MGA: variants seen among roughly 807,000 people sequenced by gnomAD.
MGA encodes MAX dimerization protein MGA.
Under a neutral mutation model 261.1 loss-of-function variants are expected in MGA, and 40 were observed. The ratio of observed to expected loss-of-function variants is 0.15; its 90% CI spans 0.12 to 0.20. The LOEUF (loss-of-function observed/expected upper bound fraction) is 0.20, where lower values mean the gene tolerates loss of function less well. Ranked by LOEUF, MGA falls within the 10% of genes least tolerant of loss-of-function variation. The pLI is 1.00. For synonymous variants in MGA, 1,302 were observed against 1,290.6 expected (o/e 1.01, Z -0.19); for missense variants, 3,397 against 3,630.5 (o/e 0.94, Z 1.65).
intron 2 of MGA, among the ~76,000 whole-genome samples, chr15:41,678,311 G>C (rs1019271440): frequency 4.6e-5 from 7 of 151,396 alleles, no homozygotes; most frequent in African/African-American, 1.7e-4. Context: ...GGCTGGTGTC[G>C]AACTCCTGAC....
chr15:41,671,620 C>T (rs550293570), intron 2 of MGA, among the ~76,000 whole-genome samples: 6 of 152,230 alleles, frequency 3.9e-5, no homozygotes, highest in African/African-American at 9.6e-5. Flanking sequence ...TGAGCCACCG[C>T]GCCCGGCCTG....
chr15:41,680,069 C>G (rs2058588574), intron 2 of MGA, among the ~76,000 whole-genome samples: 1 of 152,142 alleles, frequency 6.6e-6, no homozygotes, highest in Non-Finnish European at 1.5e-5. Context: ...ATCAGTTTGT[C>G]TACACGTAAG....
At chr15:41,648,928 A>C (rs777626254) in intron 1 of MGA, among the ~76,000 whole-genome samples, 1 of 152,194 alleles carries the variant, frequency 6.6e-6, no homozygotes, top group Admixed American at 6.5e-5. Flanking sequence ...GAGAGAAAAA[A>C]GAAAAGTCTG....
In MGA at chr15:41,719,916, A is replaced by G. The variant is rs140933852; in HGVS notation, c.3430+6420A>G. 4.6e-5 allele frequency among the ~76,000 whole-genome samples: 7 copies of G among 152,300 alleles called. No individual in the cohort carries two copies. In the East Asian group the frequency reaches 1.2e-3, roughly 25 times the overall value. Reference sequence around the variant, plus strand: ...ATGAGATTATGATATTAATGAATTAATGAATATGGTTAAATTGATAAAAAT... The same window carrying G: ...ATGAGATTATGATATTAATGAATTAGTGAATATGGTTAAATTGATAAAAAT... On this transcript the variant is annotated intron_variant, in intron 9 of 23. Transcript: ENST00000219905.
chr15:41,665,426 A>G (rs1267209480), intron 1 of MGA, among the ~76,000 whole-genome samples: 1 of 151,084 alleles, frequency 6.6e-6, no homozygotes, highest in African/African-American at 2.4e-5. Context: ...TCACTCTGTC[A>G]TCTAGACTGG....
At chr15:41,665,078 G>A (rs1194530259) in intron 1 of MGA, among the ~76,000 whole-genome samples, 5 of 152,074 alleles carry the variant, frequency 3.3e-5, no homozygotes, top group Non-Finnish European at 5.9e-5. Context: ...TTTTGAAGTC[G>A]TGATTTTAAA....
intron 1 of MGA, among the ~76,000 whole-genome samples, chr15:41,651,956 C>G (rs141985337): frequency 6.2e-5 from 3 of 48,232 alleles, no homozygotes; most frequent in African/African-American, 1.7e-4. Flanking sequence ...CTCTTCCCCC[C>G]ACCTTTTTTT....
chr15:41,652,220 G>A (rs1447085866), intron 1 of MGA, among the ~76,000 whole-genome samples: 2 of 149,860 alleles, frequency 1.3e-5, no homozygotes, highest in African/African-American at 4.9e-5. Flanking sequence ...TGATCCACCC[G>A]CCTCAGCCTC....
rs141412132 is a variant in MGA at position 41,649,154 on chromosome 15, C to T, written c.-67-19674C>T. ...ATCCTAGCACTTTGGGAGGCTGAGGCGGGTGGATCATGAGGTCAGGAGTTC... is the reference window on the plus strand; with the variant it reads ...ATCCTAGCACTTTGGGAGGCTGAGGTGGGTGGATCATGAGGTCAGGAGTTC... On this transcript the variant is annotated intron_variant, in intron 1 of 8. Transcript: ENST00000566718. Among the ~76,000 whole-genome samples, 83 of 152,022 alleles carry T rather than the reference C, an allele frequency of 5.5e-4. No individual in the cohort carries two copies. The East Asian group carries it at 0.014, about 25-fold the overall frequency.
chr15:41,703,374 C>A (rs1438483289), intron 5 of MGA, among the ~76,000 whole-genome samples: 1 of 138,538 alleles, frequency 7.2e-6, no homozygotes, highest in African/African-American at 2.6e-5. Context: ...AGTTACCCCC[C>A]CCCCCACTCC....
intron 13 of MGA, among the ~76,000 whole-genome samples, chr15:41,739,705 T>A (rs988933832): frequency 6.6e-6 from 1 of 152,212 alleles, no homozygotes; most frequent in Non-Finnish European, 1.5e-5. Flanking sequence ...GAGATGAGAT[T>A]AGTTCAGAAT....
At chr15:41,710,307 A>G (rs1429829987) in intron 7 of MGA, among the ~76,000 whole-genome samples, 1 of 152,248 alleles carries the variant, frequency 6.6e-6, no homozygotes, top group African/African-American at 2.4e-5. Context: ...TAATGTTTTT[A>G]GTGCCCAAGA....
chr15:41,659,845 C>T (rs1319254301), upstream of MGA, among the ~76,000 whole-genome samples: 1 of 152,256 alleles, frequency 6.6e-6, no homozygotes, highest in Non-Finnish European at 1.5e-5. Context: ...GGTCTCCTCC[C>T]CATTTTCCTA....
At position 41,766,666 on chromosome 15, in the gene MGA, G is replaced by C; in HGVS notation, c.8584G>C (p.Ala2862Pro). Residue 2862 changes from alanine (A) to proline (P), a missense_variant, in exon 24 of 24, where the codon GCT becomes CCT. Coordinates refer to ENST00000219905, the MANE Select transcript of MGA (RefSeq NM_001164273.2). ...AGAGTTCCCAGGGGATGCTCGGCGG[G>C]CTTTTATTAGTAAGGTTCCTCCTGG... 6.2e-7 allele frequency: 1 copy of C among 1,613,982 alleles called. No homozygotes were observed. Among genetic ancestry groups the C allele is most frequent in the Non-Finnish European group, 8.5e-7 (1 of 1,179,896 alleles).
chr15:41,723,742 C>T (rs1296661295), intron 9 of MGA, among the ~76,000 whole-genome samples: 1 of 152,110 alleles, frequency 6.6e-6, no homozygotes, highest in Non-Finnish European at 1.5e-5. Flanking sequence ...TGTTGTTGTC[C>T]TTCCAATTTA....
Position 41,669,555 on chromosome 15 carries a change from C to T in MGA, c.661C>T (p.Pro221Ser). 6.2e-7 allele frequency: 1 copy of T among 1,613,922 alleles called. No homozygotes were observed. Among genetic ancestry groups the T allele is most frequent in the Non-Finnish European group, 8.5e-7 (1 of 1,179,882 alleles). Reference sequence around the variant, plus strand: ...TGTGGAGGTGATACAATTAAATGGCCCTGGTGTCCACACTTTTACCTTCCC... The same window carrying T: ...TGTGGAGGTGATACAATTAAATGGCTCTGGTGTCCACACTTTTACCTTCCC... Residue 221 changes from proline to serine, a missense_variant, in exon 2 of 24, where the codon CCT becomes TCT. Physicochemically the swap from Pro to Ser is moderately conservative, Grantham distance 74 (BLOSUM62 -1). Transcript: ENST00000219905.
intron 1 of MGA, among the ~76,000 whole-genome samples, chr15:41,654,329 A>G (rs781530629): frequency 6.6e-6 from 1 of 152,240 alleles, no homozygotes; most frequent in African/African-American, 2.4e-5. Flanking sequence ...AAAGACTATT[A>G]TAATGAGATG....
intron 1 of MGA, among the ~76,000 whole-genome samples, chr15:41,667,827 G>A (rs1024969037): frequency 7.3e-5 from 11 of 151,270 alleles, no homozygotes; most frequent in Admixed American, 2.0e-4. Context: ...TCTTTGAGAC[G>A]GAGTCTTTCC....
chr15:41,749,288 T>G lies in MGA; in HGVS notation c.5681T>G (p.Val1894Gly). ...TTGCTTTCCTCTGGAGCTAGTTTTG[T>G]GTCTCAGGCTGGTACATTGACCCTG... The change falls in exon 17 of 24, where the codon GTG becomes GGG. Residue 1894 changes from valine (V) to glycine (G), a missense_variant. By Grantham distance (109) the Val-to-Gly change is moderately radical. Around this residue, in one of 9 missense-constraint regions of MGA, gnomAD observed 1,410 missense variants for 1,386.4 expected, o/e 1.02. Coordinates refer to ENST00000219905, the MANE Select transcript of MGA (RefSeq NM_001164273.2). The G allele has an allele frequency of 1.2e-6, 2 of 1,614,034 alleles. No homozygotes were observed. Among genetic ancestry groups the G allele is most frequent in the Non-Finnish European group, 1.7e-6 (2 of 1,179,904 alleles).
Sources: gnomAD v4.1 joint callset for allele counts (sites outside exome capture counted in the v4.1 genomes callset) on GRCh38, gnomAD v4.1.1 for gene constraint, gnomAD v4.1.1 regional missense constraint, MANE v1.5 for transcripts, NCBI Gene and HGNC (gene_info 2026-07-23, HGNC 2026-07-21) for gene names.